Variants in ERG observed in about 807,000 individuals in gnomAD.
ERG encodes the protein transcriptional regulator ERG.
ERG carries 9 observed loss-of-function variants against 55.3 expected under a neutral mutation model. The ratio of observed to expected loss-of-function variants is 0.16; its 90% CI spans 0.10 to 0.28. The LOEUF (loss-of-function observed/expected upper bound fraction) is 0.28. Among genes scored for constraint, ERG ranks in the 10% least tolerant of loss-of-function variants. ERG has a pLI of 1.00. For synonymous variants in ERG, 223 were observed against 237.3 expected, an observed-to-expected ratio of 0.94 and a Z score of 0.55; for missense variants, 434 against 631.6, an observed-to-expected ratio of 0.69 and a Z score of 3.35.
chr21:38,558,940 C>T (rs1379316810), intron 2 of ERG, among the ~76,000 whole-genome samples: 1 of 152,068 alleles, frequency 6.6e-6, no homozygotes, highest in East Asian at 1.9e-4. Flanking sequence ...TTAAAAGTAC[C>T]AACTACATAA....
chr21:38,371,204 A>G, the ERG span, among the ~76,000 whole-genome samples: 1 of 152,018 alleles, frequency 6.6e-6, no homozygotes, highest in Non-Finnish European at 1.5e-5. Flanking sequence ...AACCTTCTCA[A>G]TGTATATGTT....
intron 3 of ERG, among the ~76,000 whole-genome samples, chr21:38,412,448 T>C (rs905050892): frequency 4.6e-5 from 7 of 152,280 alleles, no homozygotes; most frequent in African/African-American, 1.7e-4. Context: ...TACATGACAA[T>C]GTTCCCTCAT....
upstream of ERG, among the ~76,000 whole-genome samples, chr21:38,589,216 C>T (rs566840090): frequency 1.3e-5 from 2 of 152,286 alleles, no homozygotes; most frequent in Admixed American, 1.3e-4. Flanking sequence ...CAAGAAGTAG[C>T]CTGGACCCCA....
chr21:38,604,034 G>A (rs2146915525), intron 1 of ERG, among the ~76,000 whole-genome samples: 1 of 152,064 alleles, frequency 6.6e-6, no homozygotes, highest in Non-Finnish European at 1.5e-5. Context: ...GGATCATGAG[G>A]TCAGGAGTTC....
intron 9 of ERG, among the ~76,000 whole-genome samples, chr21:38,387,146 T>G (rs991723217): frequency 6.6e-6 from 1 of 152,050 alleles, no homozygotes; most frequent in Non-Finnish European, 1.5e-5. Flanking sequence ...AGCAGCTGTG[T>G]CTGGTGGAAA....
At chr21:38,392,666 G>A (rs2836361) in intron 6 of ERG, among the ~76,000 whole-genome samples, 42,319 of 151,984 alleles carry the variant, frequency 0.28, 6,250 homozygotes, top group South Asian at 0.36. Flanking sequence ...ACTTCCATTG[G>A]CAGATTCTCC....
chr21:38,581,977 A>G (rs1341387683), intron 1 of ERG, among the ~76,000 whole-genome samples: 2 of 137,702 alleles, frequency 1.5e-5, no homozygotes, highest in Non-Finnish European at 3.0e-5. Flanking sequence ...CGGGAGGAGG[A>G]GGTTGCAGTG....
intron 1 of ERG, among the ~76,000 whole-genome samples, chr21:38,593,078 C>T (rs1459061284): frequency 2.6e-5 from 4 of 152,172 alleles, no homozygotes; most frequent in Admixed American, 6.5e-5. Flanking sequence ...TCAGCCTTGC[C>T]GTTTTGCATG....
At position 38,544,723 on chromosome 21, in the gene ERG, G is replaced by GA. The variant is rs552692251; in HGVS notation, c.-41+30938dup. On this transcript the variant is annotated intron_variant, in intron 2 of 8. Coordinates refer to the ERG transcript ENST00000398897. Reference sequence around the variant, plus strand: ...CCAGGCTGGATTTGAACTGATGAGGGAAAAAAAATCTCTAGTGAAAATTCC... The same window carrying GA: ...CCAGGCTGGATTTGAACTGATGAGGGAAAAAAAAATCTCTAGTGAAAATTCC... Among the ~76,000 whole-genome samples the GA allele has an allele frequency of 3.9e-5, 6 of 151,934 alleles. No homozygotes were observed. In the East Asian group the frequency reaches 5.8e-4, roughly 15 times the overall value.
intron 1 of ERG, among the ~76,000 whole-genome samples, chr21:38,624,283 C>T (rs1225173142): frequency 6.6e-6 from 1 of 150,678 alleles, no homozygotes; most frequent in East Asian, 2.0e-4. Flanking sequence ...CATACTGGGG[C>T]CTGTCGGGGG....
At chr21:38,379,651 G>GTT (rs139286906), downstream of ERG, among the ~76,000 whole-genome samples, 1,574 of 152,282 alleles carry the variant, frequency 0.01, 32 homozygotes, top group African/African-American at 0.035. Context: ...AGATAATGAT[G>GTT]TTTTACTCAG....
At chr21:38,462,263 A>T (rs2059050248) in intron 1 of ERG, among the ~76,000 whole-genome samples, 1 of 152,212 alleles carries the variant, frequency 6.6e-6, no homozygotes, top group African/African-American at 2.4e-5. Context: ...GATTACAGTC[A>T]TGAGCCACTG....
chr21:38,624,964 TTGAA>T lies in ERG; in HGVS notation c.-150+36690_-150+36693del, dbSNP rs376867587. Reference sequence around the variant, plus strand: ...CATAGAAAATTTTTTGTTCAGAATGTTGAATGAATGAATAAATGTATGAAATTAA... The same window carrying T: ...CATAGAAAATTTTTTGTTCAGAATGTTGAATGAATAAATGTATGAAATTAA... On this transcript the variant is annotated intron_variant, in intron 1 of 10. Coordinates refer to the ERG transcript ENST00000398910. 2.3e-4 allele frequency among the ~76,000 whole-genome samples: 35 copies of T among 152,260 alleles called. No homozygotes were observed. In the East Asian group the frequency reaches 4.3e-3, roughly 18 times the overall value.
At chr21:38,511,210 A>C (rs2059508970) in intron 2 of ERG, among the ~76,000 whole-genome samples, 2 of 152,228 alleles carry the variant, frequency 1.3e-5, no homozygotes, top group Admixed American at 6.5e-5. Context: ...CAAATGAATA[A>C]ATCAATCATT....
intron 2 of ERG, among the ~76,000 whole-genome samples, chr21:38,546,882 T>C (rs946410729): frequency 2.0e-5 from 3 of 152,210 alleles, no homozygotes; most frequent in Admixed American, 6.5e-5. Flanking sequence ...AGCTGAATAT[T>C]TCTTAAGAAC....
chr21:38,589,922 TCTAGTAG>T (rs1472302401), intron 1 of ERG, among the ~76,000 whole-genome samples: 1 of 152,168 alleles, frequency 6.6e-6, no homozygotes, highest in African/African-American at 2.4e-5. Context: ...TCCCATACAC[TCTAGTAG>T]CCATGTTCAA....
intron 1 of ERG, among the ~76,000 whole-genome samples, chr21:38,455,219 C>G (rs572641820): frequency 6.6e-6 from 1 of 151,532 alleles, no homozygotes; most frequent in South Asian, 2.1e-4. Context: ...ATCCATAATG[C>G]TTTCTATGTT....
chr21:38,399,757 G>A (rs568342402), intron 6 of ERG, among the ~76,000 whole-genome samples: 3 of 152,208 alleles, frequency 2.0e-5, no homozygotes, highest in East Asian at 3.9e-4. Context: ...CTGCTCCTAC[G>A]CCCTGTATTG....
intron 2 of ERG, among the ~76,000 whole-genome samples, chr21:38,515,814 G>A (rs144466789): frequency 1.1e-4 from 16 of 152,112 alleles, no homozygotes; most frequent in African/African-American, 3.4e-4. Flanking sequence ...TCCCAGAGAT[G>A]CAAGGATGGT....
Sources: allele counts gnomAD v4.1 joint callset (sites outside exome capture counted in the v4.1 genomes callset), GRCh38; gene constraint gnomAD v4.1.1; transcripts MANE v1.5; gene names NCBI Gene and HGNC (gene_info 2026-07-23, HGNC 2026-07-21).